Variants in FRMD4B observed in about 807,000 individuals in gnomAD.
The protein encoded by FRMD4B is FERM domain containing 4B, also known as FERM domain-containing protein 4B.
FRMD4B carries 74 observed loss-of-function variants against 141.5 expected under a neutral mutation model. The ratio of observed to expected loss-of-function variants is 0.52; its 90% CI spans 0.43 to 0.63. The LOEUF is 0.63. Ranked by LOEUF, FRMD4B falls within the 30% of genes least tolerant of loss-of-function variation. The probability of loss-of-function intolerance (pLI) is 0.00; values close to 1 mark genes in which losing one functional copy is unlikely to be tolerated. For synonymous variants in FRMD4B, 506 were observed against 467.9 expected, an observed-to-expected ratio of 1.08 and a Z score of -1.05; for missense variants, 1,366 against 1,253.4, an observed-to-expected ratio of 1.09 and a Z score of -1.36.
At chr3:69,311,571 A>G (rs1018263684) in intron 2 of FRMD4B, among the ~76,000 whole-genome samples, 2 of 152,186 alleles carry the variant, frequency 1.3e-5, no homozygotes, top group African/African-American at 4.8e-5. Flanking sequence ...CAATGAGACT[A>G]TCATTTTCAT....
intron 7 of FRMD4B, among the ~76,000 whole-genome samples, chr3:69,242,029 T>C (rs2093388256): frequency 6.6e-6 from 1 of 152,218 alleles, no homozygotes; most frequent in African/African-American, 2.4e-5. Flanking sequence ...AATCTCAGTT[T>C]TCCTATCTAT....
At chr3:69,188,798 A>G (rs1367845682) in intron 18 of FRMD4B, among the ~76,000 whole-genome samples, 2 of 151,962 alleles carry the variant, frequency 1.3e-5, no homozygotes, top group African/African-American at 4.8e-5. Context: ...GGGGAAGATA[A>G]AGCAGTGGGG....
chr3:69,526,273 G>T (rs1172145946), intron 1 of FRMD4B, among the ~76,000 whole-genome samples: 1 of 152,122 alleles, frequency 6.6e-6, no homozygotes, highest in Non-Finnish European at 1.5e-5. Context: ...GCACTCCACT[G>T]GTTCCCAGAG....
chr3:69,358,308 A>G (rs1417957282), intron 1 of FRMD4B, among the ~76,000 whole-genome samples: 1 of 152,162 alleles, frequency 6.6e-6, no homozygotes, highest in Non-Finnish European at 1.5e-5. Context: ...TGCTTGGTTT[A>G]GTGTTCTGCT....
At chr3:69,520,086 A>AAT (rs1181739323) in intron 1 of FRMD4B, among the ~76,000 whole-genome samples, 4 of 118,118 alleles carry the variant, frequency 3.4e-5, no homozygotes, top group Non-Finnish European at 6.9e-5. Flanking sequence ...TATATGATGG[A>AAT]ATATATATAT....
intron 1 of FRMD4B, among the ~76,000 whole-genome samples, chr3:69,315,384 A>T (rs1701769824): frequency 6.6e-6 from 1 of 152,052 alleles, no homozygotes. Flanking sequence ...AAAATATTTC[A>T]TATTATTTTA....
At chr3:69,321,275 C>T (rs947522470) in intron 1 of FRMD4B, among the ~76,000 whole-genome samples, 4 of 152,162 alleles carry the variant, frequency 2.6e-5, no homozygotes, top group Admixed American at 6.5e-5. Flanking sequence ...AGACCAAAAT[C>T]GTAGCCTACT....
At chr3:69,276,880 G>A (rs1345814009) in intron 5 of FRMD4B, among the ~76,000 whole-genome samples, 2 of 152,174 alleles carry the variant, frequency 1.3e-5, no homozygotes, top group African/African-American at 2.4e-5. Flanking sequence ...CAGGAGAATC[G>A]CATGAACCTG....
intron 1 of FRMD4B, among the ~76,000 whole-genome samples, chr3:69,318,320 A>C (rs1344549187): frequency 6.6e-6 from 1 of 152,134 alleles, no homozygotes; most frequent in East Asian, 1.9e-4. Flanking sequence ...AGACTCCACA[A>C]ATTTCCATGC....
chr3:69,466,946 C>T (rs1289733442), intron 1 of FRMD4B, among the ~76,000 whole-genome samples: 2 of 152,150 alleles, frequency 1.3e-5, no homozygotes, highest in East Asian at 3.9e-4. Context: ...AAGCCATCTG[C>T]CCACCTTCTC....
chr3:69,179,567 T>C (rs1428239310), intron 21 of FRMD4B, among the ~76,000 whole-genome samples: 1 of 152,200 alleles, frequency 6.6e-6, no homozygotes, highest in Non-Finnish European at 1.5e-5. Context: ...GGAGAGAACT[T>C]GAACCCAAAT....
intron 1 of FRMD4B, chr3:69,322,927 A>C: frequency 2.9e-6 from 1 of 340,996 alleles, no homozygotes; most frequent in Non-Finnish European, 4.2e-6. Context: ...TGAAGTGCAC[A>C]GAGGTTAAGT....
At chr3:69,200,977 T>G (rs1261411768) in intron 11 of FRMD4B, 9 of 391,194 alleles carry the variant, frequency 2.3e-5, no homozygotes, top group Non-Finnish European at 4.1e-5. Flanking sequence ...CCCTAGCGCT[T>G]TGGACTCCAT....
chr3:69,349,339 GAAGAAC>G (rs1409610476), intron 1 of FRMD4B, among the ~76,000 whole-genome samples: 1 of 152,166 alleles, frequency 6.6e-6, no homozygotes, highest in African/African-American at 2.4e-5. Context: ...CAAACAAATG[GAAGAAC>G]ATTCCATGCT....
chr3:69,201,712 G>A (rs865805312), intron 11 of FRMD4B, among the ~76,000 whole-genome samples: 5 of 152,048 alleles, frequency 3.3e-5, no homozygotes, highest in Middle Eastern at 6.8e-3. Flanking sequence ...CATATCCGAG[G>A]GCCAGGATGC....
At chr3:69,475,470 T>A (rs200580611) in intron 1 of FRMD4B, among the ~76,000 whole-genome samples, 1 of 152,096 alleles carries the variant, frequency 6.6e-6, no homozygotes, top group African/African-American at 2.4e-5. Flanking sequence ...GGTTTTTTGT[T>A]CTTACGATAG....
chr3:69,459,520 G>T (rs113515165), intron 1 of FRMD4B, among the ~76,000 whole-genome samples: 387 of 152,268 alleles, frequency 2.5e-3, no homozygotes, highest in African/African-American at 9.1e-3. Flanking sequence ...AAAGATACCA[G>T]AACAGATTTA....
At chr3:69,419,616 T>C (rs981180635) in intron 2 of FRMD4B, among the ~76,000 whole-genome samples, 1 of 152,168 alleles carries the variant, frequency 6.6e-6, no homozygotes, top group African/African-American at 2.4e-5. Context: ...ACTGGGACTC[T>C]CTTACCAGAA....
At chr3:69,257,833 T>G (rs1462504692) in intron 5 of FRMD4B, among the ~76,000 whole-genome samples, 1 of 152,000 alleles carries the variant, frequency 6.6e-6, no homozygotes, top group Admixed American at 6.6e-5. Context: ...GGCTAATTTT[T>G]GTTTTGTTTT....
Sources: gnomAD v4.1 joint callset for allele counts (sites outside exome capture counted in the v4.1 genomes callset) on GRCh38, gnomAD v4.1.1 for gene constraint, MANE v1.5 for transcripts, NCBI Gene and HGNC (gene_info 2026-07-23, HGNC 2026-07-21) for gene names.